Variants in TNFAIP8 observed in about 807,000 individuals in gnomAD.
The protein encoded by TNFAIP8 is tumor necrosis factor alpha-induced protein 8.
Under a neutral mutation model 13.3 loss-of-function variants are expected in TNFAIP8, and 7 were observed. The observed-to-expected ratio is 0.52, with a 90% CI of 0.30 to 0.99. TNFAIP8 has a LOEUF of 0.99. TNFAIP8 is among the 50% of genes least tolerant of loss of function. The pLI, the probability that TNFAIP8 is intolerant of heterozygous loss-of-function variation, is 0.07. For synonymous variants in TNFAIP8, 94 were observed against 87.6 expected, an observed-to-expected ratio of 1.07 and a Z score of -0.41; for missense variants, 258 against 236.9, an observed-to-expected ratio of 1.09 and a Z score of -0.58.
intron 1 of TNFAIP8, among the ~76,000 whole-genome samples, chr5:119,366,266 C>T (rs1751854230): frequency 6.6e-6 from 1 of 151,988 alleles, no homozygotes; most frequent in Non-Finnish European, 1.5e-5. Flanking sequence ...TTTGATTTTG[C>T]AGTTAACAGG....
chr5:119,308,137 G>T (rs752627387), intron 1 of TNFAIP8, among the ~76,000 whole-genome samples: 33 of 152,132 alleles, frequency 2.2e-4, no homozygotes, highest in Non-Finnish European at 4.1e-4. Context: ...ACTGATAATT[G>T]ATATTAAAAT....
intron 1 of TNFAIP8, among the ~76,000 whole-genome samples, chr5:119,336,728 G>A (rs1750562085): frequency 1.3e-5 from 2 of 152,044 alleles, no homozygotes; most frequent in Admixed American, 1.3e-4. Context: ...AATTTCTACA[G>A]TCCTAAGAAG....
intron 1 of TNFAIP8, among the ~76,000 whole-genome samples, chr5:119,358,458 T>C (rs1441355326): frequency 6.6e-6 from 1 of 152,238 alleles, no homozygotes; most frequent in African/African-American, 2.4e-5. Flanking sequence ...ATTTAATTTT[T>C]CCTGCTTAAC....
intron 1 of TNFAIP8, among the ~76,000 whole-genome samples, chr5:119,300,953 GT>G (rs139870274): frequency 0.032 from 4,810 of 152,240 alleles, 265 homozygotes; most frequent in African/African-American, 0.11. Context: ...CCGAGGCACA[GT>G]TTTAGGGTGC....
intron 1 of TNFAIP8, among the ~76,000 whole-genome samples, chr5:119,279,132 A>T (rs78183104): frequency 6.6e-6 from 1 of 152,198 alleles, no homozygotes; most frequent in Non-Finnish European, 1.5e-5. Flanking sequence ...GGAGGAATCT[A>T]TGAGAAAGAT....
At chr5:119,301,406 A>C (rs200755822) in intron 1 of TNFAIP8, among the ~76,000 whole-genome samples, 1 of 152,148 alleles carries the variant, frequency 6.6e-6, no homozygotes, top group African/African-American at 2.4e-5. Context: ...CAAAGCCCCA[A>C]ATAAAAAAAA....
upstream of TNFAIP8, chr5:119,356,003 G>C (rs1295538573): frequency 1.3e-6 from 2 of 1,529,746 alleles, no homozygotes; most frequent in South Asian, 1.2e-5. Flanking sequence ...ATTTTCCGTC[G>C]TGTGCGGATT....
intron 1 of TNFAIP8, among the ~76,000 whole-genome samples, chr5:119,378,637 G>T (rs78477721): frequency 6.6e-6 from 1 of 152,202 alleles, no homozygotes; most frequent in Non-Finnish European, 1.5e-5. Context: ...AACATTTGCT[G>T]TAAGGATTGA....
chr5:119,276,611 C>T (rs1002533250), intron 1 of TNFAIP8, among the ~76,000 whole-genome samples: 4 of 152,166 alleles, frequency 2.6e-5, no homozygotes, highest in African/African-American at 9.7e-5. Context: ...TGAGGCCTCC[C>T]TCCTTGCCTT....
intron 1 of TNFAIP8, among the ~76,000 whole-genome samples, chr5:119,348,095 C>T (rs555485526): frequency 6.6e-6 from 1 of 152,318 alleles, no homozygotes; most frequent in East Asian, 1.9e-4. Flanking sequence ...CCTTACTCAA[C>T]CTGTCTTGGC....
chr5:119,293,545 C>G (rs1049565312), intron 1 of TNFAIP8, among the ~76,000 whole-genome samples: 1 of 152,146 alleles, frequency 6.6e-6, no homozygotes, highest in East Asian at 1.9e-4. Flanking sequence ...TAAGGCTGAA[C>G]AGTATTCCAT....
upstream of TNFAIP8, among the ~76,000 whole-genome samples, chr5:119,352,309 T>C (rs767547569): frequency 9.2e-5 from 14 of 152,236 alleles, no homozygotes; most frequent in Non-Finnish European, 1.5e-4. Flanking sequence ...ACTTTTTATA[T>C]AGATCACGGA....
At chr5:119,382,328 C>G (rs1752517079) in intron 1 of TNFAIP8, among the ~76,000 whole-genome samples, 1 of 152,194 alleles carries the variant, frequency 6.6e-6, no homozygotes, top group African/African-American at 2.4e-5. Context: ...GTGTACTCAT[C>G]TATCCCCGGA....
intron 1 of TNFAIP8, among the ~76,000 whole-genome samples, chr5:119,359,036 A>G (rs1021523071): frequency 3.9e-5 from 6 of 152,174 alleles, no homozygotes; most frequent in Non-Finnish European, 8.8e-5. Context: ...AACAGTAGCC[A>G]TTAGATAACT....
intron 1 of TNFAIP8, among the ~76,000 whole-genome samples, chr5:119,297,307 C>T (rs1009778213): frequency 6.6e-6 from 1 of 151,996 alleles, no homozygotes; most frequent in African/African-American, 2.4e-5. Flanking sequence ...TATGTTGTGT[C>T]TTTGTTCTCG....
intron 1 of TNFAIP8, among the ~76,000 whole-genome samples, chr5:119,367,630 C>A (rs1477688889): frequency 6.6e-6 from 1 of 152,116 alleles, no homozygotes; most frequent in South Asian, 2.1e-4. Flanking sequence ...CCATGAATGA[C>A]TCAATTGACT....
intron 1 of TNFAIP8, among the ~76,000 whole-genome samples, chr5:119,372,170 T>G (rs1345430844): frequency 6.7e-6 from 1 of 149,306 alleles, no homozygotes; most frequent in Admixed American, 6.6e-5. Context: ...ACAAAAAAAA[T>G]TATTTTTAAA....
chr5:119,388,528 C>G (rs1441643584), intron 1 of TNFAIP8, among the ~76,000 whole-genome samples: 2 of 152,166 alleles, frequency 1.3e-5, no homozygotes, highest in Non-Finnish European at 2.9e-5. Context: ...GAGTTTAAAT[C>G]CTAGTAGGGA....
intron 1 of TNFAIP8, among the ~76,000 whole-genome samples, chr5:119,321,718 T>C (rs1750061688): frequency 6.6e-6 from 1 of 152,148 alleles, no homozygotes; most frequent in Non-Finnish European, 1.5e-5. Flanking sequence ...CTGGGTAGCC[T>C]CAGAAGCCTC....
Sources: gnomAD v4.1 joint callset for allele counts (sites outside exome capture counted in the v4.1 genomes callset) on GRCh38, gnomAD v4.1.1 for gene constraint, MANE v1.5 for transcripts, NCBI Gene and HGNC (gene_info 2026-07-23, HGNC 2026-07-21) for gene names.